TBCD: variants seen among roughly 807,000 people sequenced by gnomAD.
TBCD encodes tubulin folding cofactor D.
Under a neutral mutation model 169.3 loss-of-function variants are expected in TBCD, and 105 were observed. The ratio of observed to expected loss-of-function variants is 0.62; its 90% CI spans 0.53 to 0.73. The LOEUF (loss-of-function observed/expected upper bound fraction) is 0.73. Among genes scored for constraint, TBCD ranks in the 30% least tolerant of loss-of-function variants. The probability of loss-of-function intolerance (pLI) is 0.00; values close to 1 mark genes in which losing one functional copy is unlikely to be tolerated. For synonymous variants in TBCD, 700 were observed against 643.9 expected (o/e 1.09, Z -1.32); for missense variants, 1,444 against 1,600.1 (o/e 0.90, Z 1.66).
At chr17:82,772,543 G>C (rs750473845) in intron 6 of TBCD, 36 bp downstream of exon 6, 1 of 1,611,342 alleles carries the variant, frequency 6.2e-7, no homozygotes, top group Non-Finnish European at 8.5e-7. Flanking sequence ...GTGTGTGGCT[G>C]GTGGGTTCTG....
intron 34 of TBCD, among the ~76,000 whole-genome samples, chr17:82,936,829 C>T (rs2062673817): frequency 6.6e-6 from 1 of 152,250 alleles, no homozygotes; most frequent in African/African-American, 2.4e-5. Context: ...CCTGCTGCCA[C>T]TGAAGGCTCA....
chr17:82,870,134 G>A (rs548481868), intron 13 of TBCD, 90 bp from the exon 14 acceptor site: 37 of 1,564,502 alleles, frequency 2.4e-5, no homozygotes, highest in South Asian at 1.5e-4. Context: ...CACCGTGACC[G>A]CGCTCCGGCC....
chr17:82,812,640 G>A (rs1222711649), intron 12 of TBCD, among the ~76,000 whole-genome samples: 2 of 152,226 alleles, frequency 1.3e-5, no homozygotes, highest in Non-Finnish European at 1.5e-5. Flanking sequence ...CGCCTCCTGG[G>A]TTCAAGCCAT....
chr17:82,903,297 T>G lies in TBCD; in HGVS notation c.1731-108T>G, dbSNP rs1028856314. 1 of 1,005,244 alleles carries G rather than the reference T, an allele frequency of 9.9e-7. No homozygotes were observed. The highest frequency in any genetic ancestry group is 1.6e-5 in the African/African-American group (1 of 62,466). The allele number at this position is 1,005,244 out of a possible 1,614,324, so 62.3% of individuals were successfully genotyped here. A position where few individuals can be genotyped will look rare whatever the true frequency, so the allele number is the denominator to read the frequency against. On this transcript the variant is annotated intron_variant, in intron 18 of 38. Coordinates refer to ENST00000355528, the MANE Select transcript of TBCD (RefSeq NM_005993.5). The surrounding 1 kb of genome is among the most constrained non-coding windows in gnomAD (Gnocchi z 4.8). ...AGTGAGTGAGTGAGCCTCTGCTAAG[T>G]GGCCGGTTGAGGACTCGTGTGTTGT...
intron 16 of TBCD, among the ~76,000 whole-genome samples, chr17:82,891,605 A>G (rs73366955): frequency 2.2e-4 from 34 of 152,360 alleles, no homozygotes; most frequent in African/African-American, 7.9e-4. Context: ...GACGTGTCGC[A>G]TAGCACACAG....
intron 7 of TBCD, among the ~76,000 whole-genome samples, chr17:82,793,086 T>C (rs1022143109): frequency 6.6e-6 from 1 of 152,234 alleles, no homozygotes; most frequent in African/African-American, 2.4e-5. Context: ...CATTTTGATA[T>C]TTGTTTTCTT....
intron 12 of TBCD, among the ~76,000 whole-genome samples, chr17:82,812,194 C>T (rs11652941): frequency 0.36 from 54,671 of 151,948 alleles, 10,125 homozygotes; most frequent in Middle Eastern, 0.41. Context: ...TGGTTTCTCC[C>T]GTGAGCAAAC....
chr17:82,800,483 C>T lies in TBCD; in HGVS notation c.818-381C>T, dbSNP rs576332073. On this transcript the variant is annotated intron_variant, in intron 8 of 38. Transcript: ENST00000355528. ...GGGTTGCTGCAGTGTGCCCTGTGGC[C>T]TGTGTGTTCTCCCCGGCCACAGCAT... 8.6e-5 allele frequency among the ~76,000 whole-genome samples: 13 copies of T among 151,900 alleles called. No individual in the cohort carries two copies. The East Asian group carries it at 2.5e-3, about 29-fold the overall frequency.
chr17:82,926,438 C>T lies in TBCD; in HGVS notation c.2418C>T (p.Pro806=), dbSNP rs760421018. The T allele has an allele frequency of 9.9e-5, 160 of 1,613,902 alleles. 1 individual carries two copies. Among genetic ancestry groups the T allele is most frequent in the Non-Finnish European group, 1.3e-4 (149 of 1,179,894 alleles). The part of the protein sequence containing the change: ...TGLRAVTHTS[P]EDVSFAESRR... ...TAAGAGCAGTTACCCACACTTCCCC[C>T]GAGGACGTAAGTTTTGCTGAGTCCA... Residue 806 remains proline (P), a synonymous_variant, in exon 28 of 39, where the codon CCC becomes CCT. Transcript: ENST00000355528.
chr17:82,803,646 C>G (rs1016995184), intron 9 of TBCD, among the ~76,000 whole-genome samples: 5 of 152,234 alleles, frequency 3.3e-5, no homozygotes, highest in African/African-American at 1.2e-4. Flanking sequence ...GCAGCTTCCC[C>G]TCGCTGGGGA....
At chr17:82,792,372 C>CAG (rs1030167950) in intron 7 of TBCD, among the ~76,000 whole-genome samples, 1 of 150,416 alleles carries the variant, frequency 6.6e-6, no homozygotes, top group African/African-American at 2.5e-5. Flanking sequence ...CACACACACA[C>CAG]ATATATGTGT....
At chr17:82,757,188 C>T (rs2047446226) in intron 2 of TBCD, among the ~76,000 whole-genome samples, 1 of 152,202 alleles carries the variant, frequency 6.6e-6, no homozygotes, top group African/African-American at 2.4e-5. Flanking sequence ...TTTTGAGCTG[C>T]TCTTTGCCGG....
chr17:82,932,284 C>CT, intron 33 of TBCD: 1 of 384,006 alleles, frequency 2.6e-6, no homozygotes. Context: ...GCACAGGCAC[C>CT]TTGACGCCCA....
chr17:82,939,286 TCCCTGGC>T, intron 36 of TBCD, 74 bp from the exon 37 acceptor site: 2 of 1,137,628 alleles, frequency 1.8e-6, no homozygotes, highest in Non-Finnish European at 2.6e-6. Context: ...CTGACGGGGC[TCCCTGGC>T]CTGGGTCCTG....
chr17:82,858,445 C>T (rs1261744127), intron 13 of TBCD: 1 of 376,802 alleles, frequency 2.7e-6, no homozygotes, highest in Non-Finnish European at 3.7e-6. Flanking sequence ...TAGCTCCAGG[C>T]CTATTCGGCA....
chr17:82,892,685 A>G (rs1187676326), intron 16 of TBCD, among the ~76,000 whole-genome samples: 2 of 152,182 alleles, frequency 1.3e-5, no homozygotes, highest in African/African-American at 4.8e-5. Context: ...AAGGATCTGA[A>G]TCCCGGCCTC....
At chr17:82,844,206 C>CGTGTGTGTGT (rs769300875) in intron 13 of TBCD, among the ~76,000 whole-genome samples, 1,351 of 127,430 alleles carry the variant, frequency 0.011, 26 homozygotes, top group African/African-American at 0.016. Context: ...GGATGTTCTC[C>CGTGTGTGTGT]GTGTGTGTGT....
rs543573566 is a variant in TBCD, at chr17:82,843,835, C to T, written c.1319-26389C>T. On this transcript the variant is annotated intron_variant, in intron 13 of 38. Coordinates refer to ENST00000355528, the MANE Select transcript of TBCD (RefSeq NM_005993.5). ...CTCCCATTATGGCCCCAGAGAGTTC[C>T]GTCACAGCAGTGCCACCCTTCCCCA... is the stretch of plus-strand genomic sequence containing the variant. 1.8e-4 allele frequency among the ~76,000 whole-genome samples: 27 copies of T among 152,274 alleles called. 1 individual carries two copies. In the East Asian group the frequency reaches 4.6e-3, roughly 26 times the overall value.
intron 35 of TBCD, 165 bp from the exon 36 acceptor site, chr17:82,937,876 AGGCACAGT>A: frequency 6.6e-7 from 1 of 1,516,782 alleles, no homozygotes; most frequent in Non-Finnish European, 8.8e-7. Context: ...TCGTGTGTGT[AGGCACAGT>A]GCAGATGTAC....
Sources: allele counts gnomAD v4.1 joint callset (sites outside exome capture counted in the v4.1 genomes callset), GRCh38; gene constraint gnomAD v4.1.1; non-coding constraint Gnocchi (gnomAD v3.1); transcripts MANE v1.5; gene names NCBI Gene and HGNC (gene_info 2026-07-23, HGNC 2026-07-21).